The following RIMS2 variants were observed in gnomAD, a reference collection of about 807,000 sequenced individuals.
RIMS2 encodes the protein regulating synaptic membrane exocytosis 2, also known as regulating synaptic membrane exocytosis protein 2.
A neutral mutation model predicts 174.4 loss-of-function variants in RIMS2; 59 were observed. That is an observed-to-expected ratio of 0.34 (90% CI 0.27 to 0.42). RIMS2 has a LOEUF of 0.42. Ranked by LOEUF, RIMS2 falls within the 10% of genes least tolerant of loss-of-function variation. RIMS2 has a pLI of 1.00. For synonymous variants in RIMS2, 606 were observed against 572.5 expected (o/e 1.06, Z -0.84); for missense variants, 1,620 against 1,666.3 (o/e 0.97, Z 0.48).
At chr8:103,825,261 C>T (rs1023492485) in intron 3 of RIMS2, among the ~76,000 whole-genome samples, 12 of 151,782 alleles carry the variant, frequency 7.9e-5, no homozygotes, top group African/African-American at 2.7e-4. Context: ...GCATTTTACT[C>T]AGCATAATTT....
chr8:103,601,888 C>T (rs984935551), intron 1 of RIMS2, among the ~76,000 whole-genome samples: 7 of 152,068 alleles, frequency 4.6e-5, no homozygotes, highest in Admixed American at 6.5e-5. Context: ...CTCATGACAG[C>T]TTAACACTGA....
At chr8:104,042,869 T>G (rs1263299778) in intron 19 of RIMS2, among the ~76,000 whole-genome samples, 1 of 151,528 alleles carries the variant, frequency 6.6e-6, no homozygotes, top group Non-Finnish European at 1.5e-5. Context: ...TTAATGGAAT[T>G]GTCAGTAGCA....
At chr8:104,150,553 G>A (rs190314377) in intron 19 of RIMS2, among the ~76,000 whole-genome samples, 2 of 152,242 alleles carry the variant, frequency 1.3e-5, no homozygotes, top group African/African-American at 4.8e-5. Flanking sequence ...CTCATCAGAG[G>A]TGTCATCTCA....
intron 1 of RIMS2, among the ~76,000 whole-genome samples, chr8:103,647,302 G>T (rs1483728272): frequency 6.6e-6 from 1 of 151,812 alleles, no homozygotes; most frequent in Non-Finnish European, 1.5e-5. Flanking sequence ...GAAGTTTTTT[G>T]TTGTTGTTGT....
At chr8:104,248,888 A>ATTT in intron 21 of RIMS2, 75 bp downstream of exon 27, 1 of 640,054 alleles carries the variant, frequency 1.6e-6, no homozygotes, top group Non-Finnish European at 2.7e-6. Context: ...ATTTCATAGA[A>ATTT]TCTTCTCTCT....
intron 16 of RIMS2, among the ~76,000 whole-genome samples, chr8:103,980,107 T>C (rs1359227952): frequency 6.6e-6 from 1 of 152,132 alleles, no homozygotes; most frequent in Non-Finnish European, 1.5e-5. Context: ...CTGGCATGGC[T>C]AAAGGAGTGC....
intron 1 of RIMS2, among the ~76,000 whole-genome samples, chr8:103,626,273 G>C (rs1251746220): frequency 6.6e-6 from 1 of 152,044 alleles, no homozygotes; most frequent in Non-Finnish European, 1.5e-5. Context: ...AATAAAGCAT[G>C]GTTACAAAGC....
chr8:103,716,734 A>G (rs1238578159), intron 2 of RIMS2, among the ~76,000 whole-genome samples: 1 of 152,164 alleles, frequency 6.6e-6, no homozygotes, highest in Non-Finnish European at 1.5e-5. Flanking sequence ...TATTGAAGTA[A>G]TAACACTGAA....
intron 19 of RIMS2, among the ~76,000 whole-genome samples, chr8:104,034,555 C>T (rs2096473169): frequency 6.7e-6 from 1 of 149,732 alleles, no homozygotes; most frequent in Non-Finnish European, 1.5e-5. Flanking sequence ...ACTGTAGCCT[C>T]CACCTCCTGG....
chr8:104,253,528 T>C (rs1310185735), downstream of RIMS2: 1 of 152,194 alleles, frequency 6.6e-6, no homozygotes, highest in East Asian at 1.9e-4. Flanking sequence ...TTTGATGCCA[T>C]CACCAAAAGT....
intron 1 of RIMS2, among the ~76,000 whole-genome samples, chr8:103,578,552 CAAA>C (rs201555337): frequency 0.018 from 2,735 of 151,668 alleles, 32 homozygotes; most frequent in Non-Finnish European, 0.029. Flanking sequence ...AAAAACAAAA[CAAA>C]ACAACAACAA....
At chr8:104,028,877 T>A (rs2096316323) in intron 19 of RIMS2, among the ~76,000 whole-genome samples, 1 of 152,178 alleles carries the variant, frequency 6.6e-6, no homozygotes, top group Non-Finnish European at 1.5e-5. Context: ...GTCCACAAAG[T>A]GAAAGCAAGT....
rs144030459 is a variant in RIMS2, at chr8:103,906,477, C to G, written c.1625-3657C>G. On this transcript the variant is annotated intron_variant, in intron 4 of 23. Coordinates refer to ENST00000504942, the Ensembl canonical transcript of RIMS2. Reference sequence around the variant, plus strand: ...GCCAGGCTGGTTTCAAACTCCTGACCTCAGGTGATCCACCTGCCTCAGCCT... The same window carrying G: ...GCCAGGCTGGTTTCAAACTCCTGACGTCAGGTGATCCACCTGCCTCAGCCT... 3.3e-3 allele frequency among the ~76,000 whole-genome samples: 505 copies of G among 152,300 alleles called. 3 individuals are homozygous for G. Among genetic ancestry groups the G allele is most frequent in the African/African-American group, 0.011 (478 of 41,568 alleles).
chr8:104,167,700 C>T (rs2098806098), intron 19 of RIMS2, among the ~76,000 whole-genome samples: 1 of 151,922 alleles, frequency 6.6e-6, no homozygotes, highest in Non-Finnish European at 1.5e-5. Flanking sequence ...CTATTTATCT[C>T]TGTTTTTGTT....
intron 1 of RIMS2, among the ~76,000 whole-genome samples, chr8:103,599,275 G>A (rs28653171): frequency 0.18 from 27,389 of 150,720 alleles, 2,749 homozygotes; most frequent in African/African-American, 0.26. Flanking sequence ...GTTTTTACAA[G>A]TGGGGAAATT....
Position 104,101,552 on chromosome 8 carries a change from AC to A in RIMS2, c.3334+86938del, listed in dbSNP as rs1411652795. ...TGTTTTGATATGCTTATTTTGAGAT[AC>A]ATATAGATACACACACACACACATA... On this transcript the variant is annotated intron_variant, in intron 19 of 23. Coordinates refer to ENST00000504942, the Ensembl canonical transcript of RIMS2. Among the ~76,000 whole-genome samples, 10 of 152,112 alleles carry A rather than the reference AC, an allele frequency of 6.6e-5. No homozygotes were observed. The East Asian group carries it at 1.9e-3, about 29-fold the overall frequency.
intron 19 of RIMS2, among the ~76,000 whole-genome samples, chr8:104,218,620 T>C (rs2099141764): frequency 6.6e-6 from 1 of 152,142 alleles, no homozygotes; most frequent in African/African-American, 2.4e-5. Flanking sequence ...AACTAGACAG[T>C]CCTATCTCGG....
intron 19 of RIMS2, among the ~76,000 whole-genome samples, chr8:104,097,029 TG>T (rs1428374176): frequency 6.6e-6 from 1 of 152,238 alleles, no homozygotes; most frequent in African/African-American, 2.4e-5. Flanking sequence ...CATTTTGTTT[TG>T]GTAGTTGATA....
At chr8:104,228,806 AC>A (rs2099206246) in intron 19 of RIMS2, among the ~76,000 whole-genome samples, 1 of 152,210 alleles carries the variant, frequency 6.6e-6, no homozygotes, top group Non-Finnish European at 1.5e-5. Context: ...ATTATGTGTA[AC>A]AAATCATTCC....
Sources: allele counts gnomAD v4.1 joint callset (sites outside exome capture counted in the v4.1 genomes callset), GRCh38; gene constraint gnomAD v4.1.1; transcripts MANE v1.5; gene names NCBI Gene and HGNC (gene_info 2026-07-23, HGNC 2026-07-21).